The following NALF1 variants were observed in gnomAD, a reference collection of about 807,000 sequenced individuals.
The protein encoded by NALF1 is family with sequence similarity 155 member A.
NALF1 carries 3 observed loss-of-function variants against 48.4 expected under a neutral mutation model. The observed-to-expected ratio is 0.06, with a 90% CI of 0.03 to 0.16. NALF1 has a LOEUF of 0.16. Ranked by LOEUF, NALF1 falls within the 10% of genes least tolerant of loss-of-function variation. NALF1 has a pLI of 1.00. For synonymous variants in NALF1, 262 were observed against 245.7 expected (o/e 1.07, Z -0.62); for missense variants, 526 against 571.5 (o/e 0.92, Z 0.81).
intron 1 of NALF1, among the ~76,000 whole-genome samples, chr13:107,832,569 C>G (rs1879770656): frequency 1.3e-5 from 2 of 152,262 alleles, no homozygotes; most frequent in Admixed American, 1.3e-4. Context: ...TTGTCTGCCT[C>G]TCCCGTCTTA....
intron 1 of NALF1, among the ~76,000 whole-genome samples, chr13:107,347,239 C>T (rs1484702509): frequency 2.6e-5 from 4 of 152,144 alleles, no homozygotes; most frequent in Non-Finnish European, 5.9e-5. Context: ...GCATTCTGCC[C>T]CACCTGCCTT....
chr13:107,741,418 A>G lies in NALF1; in HGVS notation c.915+124264T>C, dbSNP rs117274553. On this transcript the variant is annotated intron_variant, in intron 1 of 2. Coordinates refer to ENST00000375915, the MANE Select transcript of NALF1 (RefSeq NM_001080396.3). ...ATAAAGTGAAGATATATAAAGGATA[A>G]ATGCTTTCATTATTAATAAGAAATG... Among the ~76,000 whole-genome samples the G allele has an allele frequency of 1.1e-3, 162 of 152,298 alleles. 1 individual carries two copies. The East Asian group carries it at 0.027, about 26-fold the overall frequency.
At chr13:107,567,636 C>T (rs765976274) in intron 1 of NALF1, among the ~76,000 whole-genome samples, 1 of 152,210 alleles carries the variant, frequency 6.6e-6, no homozygotes, top group Non-Finnish European at 1.5e-5. Context: ...TACACATGCA[C>T]TCTTCTGTAC....
Position 107,859,268 on chromosome 13 carries a change from T to C in NALF1, c.915+6414A>G, listed in dbSNP as rs898511152. ...GCAGCTGACATACAAAATTCCCATG[T>C]ATTTCCGAAGAAATGATTATTGCAT... On this transcript the variant is annotated intron_variant, in intron 1 of 2. Coordinates refer to ENST00000375915, the MANE Select transcript of NALF1 (RefSeq NM_001080396.3). Among the ~76,000 whole-genome samples, 7 of 152,236 alleles carry C rather than the reference T, an allele frequency of 4.6e-5. 1 individual carries two copies. Among genetic ancestry groups the C allele is most frequent in the African/African-American group, 2.4e-5 (1 of 41,464 alleles).
chr13:107,613,401 G>A (rs1370164786), intron 1 of NALF1, among the ~76,000 whole-genome samples: 1 of 152,208 alleles, frequency 6.6e-6, no homozygotes, highest in Non-Finnish European at 1.5e-5. Context: ...ACTGGGGAAT[G>A]CCTTTCTTGA....
intron 1 of NALF1, among the ~76,000 whole-genome samples, chr13:107,498,295 C>A (rs540267421): frequency 6.6e-6 from 1 of 152,238 alleles, no homozygotes; most frequent in African/African-American, 2.4e-5. Flanking sequence ...ATAGAGTCTT[C>A]TCATTGATAG....
intron 1 of NALF1, among the ~76,000 whole-genome samples, chr13:107,818,824 A>T (rs1879261544): frequency 7.8e-6 from 1 of 128,564 alleles, no homozygotes; most frequent in Non-Finnish European, 1.5e-5. Flanking sequence ...GTGAGCCGAG[A>T]TCGCGCCACT....
chr13:107,701,319 C>A (rs76389258), intron 1 of NALF1, among the ~76,000 whole-genome samples: 1 of 152,100 alleles, frequency 6.6e-6, no homozygotes, highest in Non-Finnish European at 1.5e-5. Flanking sequence ...AAAAGGAGAT[C>A]CTGCCATTTG....
chr13:107,849,295 C>A (rs1039242942), intron 1 of NALF1, among the ~76,000 whole-genome samples: 3 of 152,126 alleles, frequency 2.0e-5, no homozygotes, highest in African/African-American at 7.2e-5. Context: ...GTTATAACAA[C>A]CTTGCTTCTC....
chr13:107,259,138 T>A (rs1880879498), intron 1 of NALF1, among the ~76,000 whole-genome samples: 1 of 152,176 alleles, frequency 6.6e-6, no homozygotes, highest in South Asian at 2.1e-4. Context: ...GTGTGCCCTA[T>A]GCTTCTGAGC....
At chr13:107,520,229 T>C (rs1398485018) in intron 1 of NALF1, among the ~76,000 whole-genome samples, 2 of 152,170 alleles carry the variant, frequency 1.3e-5, no homozygotes, top group Non-Finnish European at 2.9e-5. Flanking sequence ...GCAAAAATGA[T>C]CAGTTGCTAA....
intron 1 of NALF1, among the ~76,000 whole-genome samples, chr13:107,268,559 C>G (rs1454409314): frequency 6.6e-6 from 1 of 152,082 alleles, no homozygotes; most frequent in East Asian, 1.9e-4. Context: ...GTTGGAGGAA[C>G]CTGGGTAAAG....
At chr13:107,591,127 A>G (rs1463279973) in intron 1 of NALF1, among the ~76,000 whole-genome samples, 1 of 152,078 alleles carries the variant, frequency 6.6e-6, no homozygotes, top group East Asian at 1.9e-4. Flanking sequence ...TGAGAGTAAC[A>G]ATAGAATTCC....
intron 1 of NALF1, among the ~76,000 whole-genome samples, chr13:107,257,492 T>C (rs1367091322): frequency 9.1e-5 from 2 of 21,980 alleles, no homozygotes; most frequent in African/African-American, 2.9e-4. Flanking sequence ...TTCTTCTGCT[T>C]TTTTTTTTTT....
At chr13:107,217,132 C>T (rs1022785667) in intron 1 of NALF1, among the ~76,000 whole-genome samples, 3 of 152,184 alleles carry the variant, frequency 2.0e-5, no homozygotes, top group African/African-American at 7.2e-5. Context: ...TCTTTCACTT[C>T]ATCTCACTAT....
chr13:107,434,544 C>T (rs143753567), intron 1 of NALF1, among the ~76,000 whole-genome samples: 2,585 of 152,204 alleles, frequency 0.017, 30 homozygotes, highest in Middle Eastern at 0.027. Context: ...TCTGCTTTTT[C>T]CAAAATAAAC....
chr13:107,555,270 T>C (rs1358937310), intron 1 of NALF1, among the ~76,000 whole-genome samples: 1 of 151,640 alleles, frequency 6.6e-6, no homozygotes, highest in African/African-American at 2.4e-5. Flanking sequence ...TATTAATTAA[T>C]TAATTAATTA....
At chr13:107,535,080 T>C (rs1162908676) in intron 1 of NALF1, among the ~76,000 whole-genome samples, 2 of 152,152 alleles carry the variant, frequency 1.3e-5, no homozygotes, top group Non-Finnish European at 2.9e-5. Flanking sequence ...TAAGGAGATT[T>C]TGGGTCAAGA....
At chr13:107,361,620 T>C (rs905134763) in intron 1 of NALF1, among the ~76,000 whole-genome samples, 1 of 152,116 alleles carries the variant, frequency 6.6e-6, no homozygotes, top group Non-Finnish European at 1.5e-5. Flanking sequence ...CATCAGAAGA[T>C]GGTGCAGCAG....
Sources: allele counts gnomAD v4.1 joint callset (sites outside exome capture counted in the v4.1 genomes callset), GRCh38; gene constraint gnomAD v4.1.1; transcripts MANE v1.5; gene names NCBI Gene and HGNC (gene_info 2026-07-23, HGNC 2026-07-21).